Variants in DCDC1 observed in about 807,000 individuals in gnomAD.
DCDC1 encodes doublecortin domain containing 1, also known as doublecortin domain-containing protein 1.
A neutral mutation model predicts 178.3 loss-of-function variants in DCDC1; 200 were observed. The observed-to-expected ratio is 1.12, with a 90% CI of 1.00 to 1.26. DCDC1 has a LOEUF of 1.26. Ranked by LOEUF, DCDC1 falls within the 50% of genes most tolerant of loss-of-function variation. The pLI is 0.00. For missense variants in DCDC1, 1,983 were observed against 1,749.2 expected (o/e 1.13, Z -2.38); for synonymous variants, 690 against 604.8 (o/e 1.14, Z -2.07).
intron 1 of DCDC1, 144 bp downstream of exon 1, chr11:31,369,553 G>A (rs1401559560): frequency 6.5e-6 from 1 of 152,676 alleles, no homozygotes; most frequent in Non-Finnish European, 1.5e-5. Flanking sequence ...GTAAACGGAG[G>A]AAGCTTTGAA....
rs759005244 is a variant in DCDC1, at chr11:30,892,996, G to A, written c.4904C>T (p.Ala1635Val). The A allele has an allele frequency of 5.3e-5, 85 of 1,613,494 alleles. No individual in the cohort carries two copies. The highest frequency in any genetic ancestry group is 7.1e-5 in the Non-Finnish European group (84 of 1,179,788). The change falls in exon 36 of 39, where the codon GCA becomes GTA. Residue 1635 changes from alanine to valine, a missense_variant and splice_region_variant. By Grantham distance (64) the Ala-to-Val change is moderately conservative. Coordinates refer to ENST00000684477, the MANE Select transcript of DCDC1 (RefSeq NM_001387274.1). ...CATTTCTTGGATTTCAGAAAGGTGT[G>A]CCTGTCAAGAAAAGCCCAGAGAATG... The part of the protein sequence containing the change: ...KLMELIRHTE[A>V]HLSEIQEMES...
At chr11:31,204,500 T>A (rs1971655514) in intron 9 of DCDC1, among the ~76,000 whole-genome samples, 1 of 151,388 alleles carries the variant, frequency 6.6e-6, no homozygotes, top group Admixed American at 6.6e-5. Flanking sequence ...TCCTGTTAAA[T>A]GGGATTGGAA....
At chr11:31,109,119 AT>A (rs36063214) in intron 12 of DCDC1, among the ~76,000 whole-genome samples, 5,890 of 139,130 alleles carry the variant, frequency 0.042, 237 homozygotes, top group African/African-American at 0.1. Flanking sequence ...TAATATCTTC[AT>A]TTTTTTTTTT....
At chr11:31,082,091 T>C (rs1341924460) in intron 17 of DCDC1, among the ~76,000 whole-genome samples, 1 of 152,058 alleles carries the variant, frequency 6.6e-6, no homozygotes, top group African/African-American at 2.4e-5. Flanking sequence ...GCTAAAAAGA[T>C]TTTTTAAAAA....
chr11:31,127,561 G>A lies in DCDC1; in HGVS notation c.1393C>T (p.Gln465Ter), dbSNP rs1357333376. The A allele has an allele frequency of 1.4e-6, 1 of 702,640 alleles. No homozygotes were observed. Among genetic ancestry groups the A allele is most frequent in the African/African-American group, 1.7e-5 (1 of 57,228 alleles). The allele number at this position is 702,640 out of a possible 1,614,324, so 43.5% of individuals were successfully genotyped here. The change falls in exon 11 of 39, where the codon CAG becomes TAG. Residue 465 changes from glutamine to a stop codon, truncating the protein, a stop_gained. Coordinates refer to ENST00000684477, the MANE Select transcript of DCDC1 (RefSeq NM_001387274.1). LOFTEE classifies it high-confidence loss of function. ...GHLCKLGPQLQAEQEQFSSYV... is the reference protein window; with the variant it reads ...GHLCKLGPQL ...GAGGAGAATTGCTCCTGCTCAGCCT[G>A]TAATTGGGGGCCAAGTTTACAGAGA...
intron 18 of DCDC1, among the ~76,000 whole-genome samples, chr11:31,068,210 T>G (rs1279733397): frequency 3.9e-5 from 6 of 152,178 alleles, no homozygotes; most frequent in Non-Finnish European, 5.9e-5. Context: ...GTATTAACTA[T>G]GTAATTATTT....
At chr11:31,127,407 CA>C in intron 11 of DCDC1, 61 bp downstream of exon 11, 1 of 624,250 alleles carries the variant, frequency 1.6e-6, no homozygotes, top group Non-Finnish European at 2.9e-6. Context: ...TAAGTGTTTT[CA>C]AATGGAGCAG....
intron 9 of DCDC1, among the ~76,000 whole-genome samples, chr11:31,212,186 A>T (rs996634604): frequency 1.3e-5 from 2 of 152,134 alleles, no homozygotes; most frequent in Non-Finnish European, 2.9e-5. Context: ...AAATTTTTAA[A>T]CTCCCAACAC....
At chr11:31,213,022 C>G (rs1004502442) in intron 9 of DCDC1, among the ~76,000 whole-genome samples, 13 of 151,672 alleles carry the variant, frequency 8.6e-5, no homozygotes, top group African/African-American at 2.7e-4. Context: ...CTGCTCCTCA[C>G]TTGCTCTTCC....
In DCDC1 at chr11:31,168,639, A is replaced by G. The variant is rs529805952; in HGVS notation, c.1222-30855T>C. 1.7e-4 allele frequency among the ~76,000 whole-genome samples: 26 copies of G among 152,318 alleles called. No homozygotes were observed. In the South Asian group the frequency reaches 5.4e-3, roughly 32 times the overall value. ...GAGAGAGGGTTTTTAAGAAAGACTGACGGGGTTAGTTGCGCTGCTTCTTCA... is the reference window on the plus strand; with the variant it reads ...GAGAGAGGGTTTTTAAGAAAGACTGGCGGGGTTAGTTGCGCTGCTTCTTCA... On this transcript the variant is annotated intron_variant, in intron 9 of 38. Coordinates refer to ENST00000684477, the MANE Select transcript of DCDC1 (RefSeq NM_001387274.1).
intron 9 of DCDC1, among the ~76,000 whole-genome samples, chr11:31,201,747 T>C (rs942894946): frequency 1.3e-5 from 2 of 151,142 alleles, no homozygotes; most frequent in African/African-American, 4.9e-5. Flanking sequence ...GATTGTGAAA[T>C]TTGCAAGAGT....
At chr11:31,187,585 T>A (rs17388431) in intron 9 of DCDC1, among the ~76,000 whole-genome samples, 3,128 of 152,286 alleles carry the variant, frequency 0.021, 93 homozygotes, top group African/African-American at 0.07. Flanking sequence ...GTTTGTATGT[T>A]AGAAAACCAA....
chr11:31,343,770 A>G lies in DCDC1; in HGVS notation c.-124-8206T>C, dbSNP rs1950672378. Among the ~76,000 whole-genome samples, 2 of 152,064 alleles carry G rather than the reference A, an allele frequency of 1.3e-5. 1 individual carries two copies. The highest frequency in any genetic ancestry group is 4.2e-4 in the South Asian group (2 of 4,806). On this transcript the variant is annotated intron_variant, in intron 1 of 38. Transcript: ENST00000684477. ...CCTGTCTCTACTAAAAATACAAAAA[A>G]TTAGCTGGGGGTGGTGGCAGATGCC...
At position 31,042,598 on chromosome 11, in the gene DCDC1, T is replaced by C. The variant is rs566576673; in HGVS notation, c.2591+21871A>G. 2.0e-5 allele frequency among the ~76,000 whole-genome samples: 3 copies of C among 152,280 alleles called. No individual in the cohort carries two copies. The South Asian group carries it at 6.2e-4, about 32-fold the overall frequency. ...CCAAGGTTTGTTGTTGTTTTTTTTTTCCAGCCCACTATGACCGCTTCACAC... is the reference window on the plus strand; with the variant it reads ...CCAAGGTTTGTTGTTGTTTTTTTTTCCCAGCCCACTATGACCGCTTCACAC... On this transcript the variant is annotated intron_variant, in intron 20 of 38. Transcript: ENST00000684477.
chr11:31,095,717 T>C (rs1483492181), intron 15 of DCDC1, among the ~76,000 whole-genome samples: 1 of 152,164 alleles, frequency 6.6e-6, no homozygotes, highest in East Asian at 1.9e-4. Context: ...GCCAAAGGTG[T>C]TGTGCACCTT....
At chr11:30,994,279 A>T (rs143553783) in intron 20 of DCDC1, among the ~76,000 whole-genome samples, 66 of 152,190 alleles carry the variant, frequency 4.3e-4, no homozygotes, top group Non-Finnish European at 9.3e-4. Flanking sequence ...TTTACAGCAA[A>T]CCAGGAATAG....
intron 1 of DCDC1, among the ~76,000 whole-genome samples, chr11:31,357,176 C>T (rs1323002830): frequency 3.9e-5 from 6 of 152,072 alleles, no homozygotes; most frequent in Non-Finnish European, 7.4e-5. Context: ...AACATTGATG[C>T]TAAAATCCTC....
rs1961800241 is a variant in DCDC1 at position 31,127,449 on chromosome 11, A to C, written c.1485+20T>G. The C allele has an allele frequency of 1.4e-6, 1 of 699,120 alleles. No individual in the cohort carries two copies. The highest frequency in any genetic ancestry group is 1.5e-5 in the South Asian group (1 of 67,132). 43.3% of individuals were successfully genotyped at this position (699,120 alleles called of 1,614,324 possible). A position where few individuals can be genotyped will look rare whatever the true frequency, so the allele number is the denominator to read the frequency against. On this transcript the variant is annotated intron_variant, in intron 11 of 38. Transcript: ENST00000684477. ...TTCTGCTCTGGCTGAATCCAATGAG[A>C]GGCACAGAACGACACCCACCTTAAG...
At chr11:31,017,681 A>C (rs751849084) in intron 20 of DCDC1, among the ~76,000 whole-genome samples, 1 of 151,966 alleles carries the variant, frequency 6.6e-6, no homozygotes, top group Non-Finnish European at 1.5e-5. Context: ...CTGGGCTCAG[A>C]AAATCCTCCC....
Sources: allele counts gnomAD v4.1 joint callset (sites outside exome capture counted in the v4.1 genomes callset), GRCh38; gene constraint gnomAD v4.1.1; transcripts MANE v1.5; gene names NCBI Gene and HGNC (gene_info 2026-07-23, HGNC 2026-07-21).